KDM4C: variants seen among roughly 807,000 people sequenced by gnomAD.
KDM4C encodes the protein lysine demethylase 4C, also known as lysine-specific demethylase 4C.
In KDM4C, 81 loss-of-function variants were observed where a neutral mutation model predicts 129.3. The ratio of observed to expected loss-of-function variants is 0.63; its 90% CI spans 0.52 to 0.75. KDM4C has a LOEUF of 0.75. KDM4C is among the 30% of genes least tolerant of loss of function. The pLI is 0.00. For synonymous variants in KDM4C, 573 were observed against 456.1 expected (o/e 1.26, Z -3.26); for missense variants, 1,457 against 1,304.0 (o/e 1.12, Z -1.81).
intron 15 of KDM4C, among the ~76,000 whole-genome samples, chr9:7,025,001 T>G (rs10975987): frequency 0.06 from 9,080 of 152,292 alleles, 328 homozygotes; most frequent in East Asian, 0.12. Context: ...ACCTGTTGTT[T>G]CGTGACTTTT....
rs576193584 is a variant in KDM4C, at chr9:6,731,238, C to T, written c.49+10241C>T. Among the ~76,000 whole-genome samples, 134 of 151,876 alleles carry T rather than the reference C, an allele frequency of 8.8e-4. 1 individual carries two copies. In the South Asian group the frequency reaches 0.013, roughly 15 times the overall value. On this transcript the variant is annotated intron_variant, in intron 1 of 17. Coordinates refer to the KDM4C transcript ENST00000536108. The stretch of plus-strand genomic sequence containing the variant: ...TCATGTTTACAGGAGAAAAACAAAA[C>T]GTGGTCTGTTCTAGGATCTATGAGT...
At chr9:7,133,291 G>A (rs1443765121) in intron 19 of KDM4C, among the ~76,000 whole-genome samples, 4 of 151,980 alleles carry the variant, frequency 2.6e-5, no homozygotes, top group African/African-American at 9.7e-5. Flanking sequence ...TAGAAGATGT[G>A]TCCTCAGAAC....
chr9:7,128,034 C>T, intron 18 of KDM4C, 32 bp from the exon 19 acceptor site: 1 of 1,408,218 alleles, frequency 7.1e-7, no homozygotes. Flanking sequence ...TCTCTTACTT[C>T]TTTTCTTCCT....
chr9:7,018,523 CA>C (rs1251898728), intron 15 of KDM4C, among the ~76,000 whole-genome samples: 1 of 152,174 alleles, frequency 6.6e-6, no homozygotes, highest in Non-Finnish European at 1.5e-5. Context: ...ATTGCAGAAT[CA>C]GTTTGGTCAG....
chr9:6,866,993 GTGTGTGTA>G (rs1272774844), intron 5 of KDM4C, among the ~76,000 whole-genome samples: 2 of 39,928 alleles, frequency 5.0e-5, no homozygotes, highest in South Asian at 1.7e-3. Context: ...GTGTGTGTGT[GTGTGTGTA>G]TATATATATA....
chr9:6,923,166 G>T (rs1300460813), intron 8 of KDM4C, among the ~76,000 whole-genome samples: 1 of 151,950 alleles, frequency 6.6e-6, no homozygotes, highest in Non-Finnish European at 1.5e-5. Context: ...TTCACCTGGG[G>T]GCCGAGATTA....
intron 12 of KDM4C, among the ~76,000 whole-genome samples, chr9:7,001,024 A>C (rs1820627224): frequency 6.6e-6 from 1 of 152,232 alleles, no homozygotes; most frequent in Non-Finnish European, 1.5e-5. Flanking sequence ...ATGGAAGTTA[A>C]GTAACATGTC....
chr9:7,107,369 A>G (rs764639554), intron 18 of KDM4C, among the ~76,000 whole-genome samples: 12 of 152,250 alleles, frequency 7.9e-5, no homozygotes, highest in Non-Finnish European at 1.3e-4. Context: ...CCTATACACT[A>G]TATACTTCTG....
At chr9:7,112,013 G>A (rs1476774702) in intron 18 of KDM4C, among the ~76,000 whole-genome samples, 3 of 151,998 alleles carry the variant, frequency 2.0e-5, no homozygotes, top group Admixed American at 6.6e-5. Context: ...TCACCCCTTG[G>A]TGGGGTGCAA....
At chr9:6,885,048 G>T (rs746620096) in intron 6 of KDM4C, among the ~76,000 whole-genome samples, 19 of 152,142 alleles carry the variant, frequency 1.2e-4, no homozygotes, top group Non-Finnish European at 2.4e-4. Flanking sequence ...CTTATTTTAA[G>T]AATAGAGCTC....
chr9:7,122,900 G>A (rs200824387), intron 18 of KDM4C, among the ~76,000 whole-genome samples: 1 of 152,130 alleles, frequency 6.6e-6, no homozygotes, highest in East Asian at 1.9e-4. Context: ...GGATGCCCTC[G>A]CATGATGCCT....
Position 6,902,219 on chromosome 9 carries a change from T to A in KDM4C, c.921+8987T>A, listed in dbSNP as rs141604896. 5.4e-3 allele frequency among the ~76,000 whole-genome samples: 830 copies of A among 152,338 alleles called. 7 individuals carry two copies. Among genetic ancestry groups the A allele is most frequent in the African/African-American group, 0.019 (800 of 41,570 alleles). ...ATTTACAGTCTCTTTTCTCCAAGAA[T>A]TAATAGGTGTTGTGAACACATATAG... On this transcript the variant is annotated intron_variant, in intron 8 of 21. Coordinates refer to ENST00000381309, the MANE Select transcript of KDM4C (RefSeq NM_015061.6).
chr9:6,791,044 G>A (rs1409698474), intron 1 of KDM4C, among the ~76,000 whole-genome samples: 1 of 152,016 alleles, frequency 6.6e-6, no homozygotes, highest in Non-Finnish European at 1.5e-5. Context: ...TCTCTTGTCT[G>A]GCCAACTCCC....
chr9:6,733,905 G>A (rs903131655), intron 1 of KDM4C, among the ~76,000 whole-genome samples: 2 of 152,164 alleles, frequency 1.3e-5, no homozygotes, highest in African/African-American at 4.8e-5. Flanking sequence ...GCGCTGCTGA[G>A]AGTGTAGCAG....
intron 5 of KDM4C, among the ~76,000 whole-genome samples, chr9:6,871,847 A>C (rs909875112): frequency 8.5e-5 from 13 of 152,226 alleles, no homozygotes; most frequent in Admixed American, 1.3e-4. Context: ...ATAGAACTCA[A>C]GACCTATCAA....
At chr9:6,955,579 ACT>A (rs1227689563) in intron 8 of KDM4C, among the ~76,000 whole-genome samples, 1 of 152,116 alleles carries the variant, frequency 6.6e-6, no homozygotes. Context: ...TCGAAGTATG[ACT>A]CTAGAAAAGG....
intron 17 of KDM4C, among the ~76,000 whole-genome samples, chr9:7,049,513 T>C (rs184326680): frequency 2.0e-5 from 3 of 152,270 alleles, no homozygotes; most frequent in Admixed American, 2.0e-4. Context: ...CTGAGCCATC[T>C]AACTCTATTT....
chr9:6,943,915 A>G (rs1287749324), intron 8 of KDM4C, among the ~76,000 whole-genome samples: 1 of 152,140 alleles, frequency 6.6e-6, no homozygotes, highest in African/African-American at 2.4e-5. Flanking sequence ...TCTGAGATTC[A>G]CTTTGCTATG....
intron 4 of KDM4C, among the ~76,000 whole-genome samples, chr9:6,839,786 C>A (rs1836574833): frequency 6.6e-6 from 1 of 151,890 alleles, no homozygotes. Flanking sequence ...CCTGTAATCC[C>A]AGCTACTCAG....
Sources: allele counts gnomAD v4.1 joint callset (sites outside exome capture counted in the v4.1 genomes callset), GRCh38; gene constraint gnomAD v4.1.1; transcripts MANE v1.5; gene names NCBI Gene and HGNC (gene_info 2026-07-23, HGNC 2026-07-21).